Variants in LRP1B observed in about 807,000 individuals in gnomAD.
The protein encoded by LRP1B is low-density lipoprotein receptor-related protein 1B.
A neutral mutation model predicts 556.6 loss-of-function variants in LRP1B; 217 were observed. The ratio of observed to expected loss-of-function variants is 0.39; its 90% CI spans 0.35 to 0.44. The LOEUF is 0.44. Ranked by LOEUF, LRP1B falls within the 20% of genes least tolerant of loss-of-function variation. LRP1B has a pLI of 1.00. For missense variants in LRP1B, 5,053 were observed against 5,620.8 expected (o/e 0.90, Z 3.23); for synonymous variants, 2,047 against 1,865.8 (o/e 1.10, Z -2.50).
At chr2:140,251,070 T>C (rs1681392350) in intron 86 of LRP1B, among the ~76,000 whole-genome samples, 1 of 151,790 alleles carries the variant, frequency 6.6e-6, no homozygotes, top group African/African-American at 2.4e-5. Flanking sequence ...CTGAGCAGTT[T>C]GTGCAGTTAT....
intron 3 of LRP1B, among the ~76,000 whole-genome samples, chr2:141,422,337 A>G (rs909711710): frequency 6.6e-6 from 1 of 152,216 alleles, no homozygotes; most frequent in Non-Finnish European, 1.5e-5. Flanking sequence ...AGATGTAAAG[A>G]ATAAAATAAG....
At chr2:141,176,218 TA>T (rs1680728807) in intron 7 of LRP1B, among the ~76,000 whole-genome samples, 1 of 151,986 alleles carries the variant, frequency 6.6e-6, no homozygotes, top group Non-Finnish European at 1.5e-5. Flanking sequence ...TGGGAAGCAT[TA>T]TTGGTTTTGA....
At chr2:141,808,033 A>G (rs540099018) in intron 2 of LRP1B, among the ~76,000 whole-genome samples, 3 of 152,152 alleles carry the variant, frequency 2.0e-5, no homozygotes, top group Non-Finnish European at 4.4e-5. Flanking sequence ...CTAGTGCCCC[A>G]TTTAGACACA....
intron 1 of LRP1B, among the ~76,000 whole-genome samples, chr2:141,944,095 T>C (rs1361538777): frequency 2.0e-5 from 3 of 152,016 alleles, no homozygotes; most frequent in Non-Finnish European, 2.9e-5. Context: ...CGGGGACCCG[T>C]TTATACTTGG....
intron 43 of LRP1B, among the ~76,000 whole-genome samples, chr2:140,597,075 T>G (rs570608202): frequency 6.6e-6 from 1 of 152,290 alleles, no homozygotes; most frequent in East Asian, 1.9e-4. Flanking sequence ...AACAAAAATA[T>G]TAACTTTTAA....
At position 141,254,629 on chromosome 2, in the gene LRP1B, T is replaced by A. The variant is rs1272766025; in HGVS notation, c.356A>T (p.Asn119Ile). ...ATACTGACAATTCAGCTGTTGGCAA[T>A]TGGATAACAGTTCTGTAGAGAAAAA... Reference protein sequence around the residue: ...EGVHCQELLSNCQQLNCQYKC... With the variant: ...EGVHCQELLSICQQLNCQYKC... The change falls in exon 4 of 91, where the codon AAT becomes ATT. Residue 119 changes from asparagine to isoleucine, a missense_variant. This residue lies in a region of LRP1B where 3,619 missense variants were observed against 3,931.9 expected (regional missense o/e 0.92). Coordinates refer to ENST00000389484, the MANE Select transcript of LRP1B (RefSeq NM_018557.3). 3 of 1,608,808 alleles carry A rather than the reference T, an allele frequency of 1.9e-6. No individual in the cohort carries two copies. Among genetic ancestry groups the A allele is most frequent in the Non-Finnish European group, 1.7e-6 (2 of 1,176,128 alleles).
intron 7 of LRP1B, among the ~76,000 whole-genome samples, chr2:141,103,068 C>T (rs898947457): frequency 2.6e-5 from 4 of 151,640 alleles, no homozygotes; most frequent in Admixed American, 2.6e-4. Context: ...TGAAATATTT[C>T]TTACCTTGGT....
At chr2:141,797,523 C>T (rs1020215618) in intron 2 of LRP1B, among the ~76,000 whole-genome samples, 7 of 151,978 alleles carry the variant, frequency 4.6e-5, no homozygotes, top group African/African-American at 1.7e-4. Flanking sequence ...TTATCAGCCC[C>T]ATTCTTCTTT....
intron 7 of LRP1B, among the ~76,000 whole-genome samples, chr2:141,187,606 G>A (rs534825494): frequency 2.0e-5 from 3 of 152,128 alleles, no homozygotes; most frequent in African/African-American, 7.2e-5. Flanking sequence ...AGTAGTGACT[G>A]CTGAAAGAAC....
intron 6 of LRP1B, among the ~76,000 whole-genome samples, chr2:141,193,109 AG>A (rs1489403813): frequency 6.6e-6 from 1 of 152,024 alleles, no homozygotes; most frequent in Non-Finnish European, 1.5e-5. Flanking sequence ...TGCAGAGAAA[AG>A]GGAACACTTA....
intron 37 of LRP1B, among the ~76,000 whole-genome samples, chr2:140,709,104 A>T (rs1022253395): frequency 1.3e-5 from 2 of 152,096 alleles, no homozygotes; most frequent in African/African-American, 2.4e-5. Flanking sequence ...AAACAGCAAG[A>T]TCCCATGTTA....
intron 43 of LRP1B, among the ~76,000 whole-genome samples, chr2:140,580,918 G>C (rs1574103004): frequency 1.3e-5 from 2 of 152,138 alleles, no homozygotes; most frequent in South Asian, 4.1e-4. Flanking sequence ...ACTTGAAAAT[G>C]AGGAGAGAGA....
intron 3 of LRP1B, among the ~76,000 whole-genome samples, chr2:141,355,816 T>C (rs1021502135): frequency 6.6e-6 from 1 of 152,212 alleles, no homozygotes; most frequent in Non-Finnish European, 1.5e-5. Context: ...AATAATATTA[T>C]TGATCTTGCA....
intron 41 of LRP1B, among the ~76,000 whole-genome samples, chr2:140,617,351 C>T (rs1381313820): frequency 6.6e-6 from 1 of 151,880 alleles, no homozygotes; most frequent in African/African-American, 2.4e-5. Flanking sequence ...AGAAACTCAA[C>T]TGCGTTTTGC....
intron 2 of LRP1B, among the ~76,000 whole-genome samples, chr2:141,667,857 T>C (rs1292403178): frequency 6.6e-6 from 1 of 152,206 alleles, no homozygotes; most frequent in Admixed American, 6.5e-5. Context: ...TGAATATTTA[T>C]AGAAAGAATG....
intron 2 of LRP1B, chr2:141,805,475 A>T (rs1374070054): frequency 3.3e-5 from 5 of 152,152 alleles, no homozygotes; most frequent in Non-Finnish European, 5.9e-5. Context: ...TGTAGACTAC[A>T]CCATATTGCA....
intron 1 of LRP1B, among the ~76,000 whole-genome samples, chr2:141,820,223 A>G (rs1696709012): frequency 6.6e-6 from 1 of 152,188 alleles, no homozygotes. Flanking sequence ...TAACTTAGCC[A>G]AATATGTTAT....
chr2:141,555,078 G>A (rs757088779), intron 2 of LRP1B, among the ~76,000 whole-genome samples: 1 of 152,016 alleles, frequency 6.6e-6, no homozygotes, highest in Non-Finnish European at 1.5e-5. Context: ...TCCACTAGCT[G>A]TGATGCACTC....
At chr2:142,117,299 T>C (rs1193685733) in intron 1 of LRP1B, among the ~76,000 whole-genome samples, 1 of 152,114 alleles carries the variant, frequency 6.6e-6, no homozygotes, top group East Asian at 1.9e-4. Context: ...CCGATTCTGC[T>C]TTACGTTTAG....
Sources: gnomAD v4.1 joint callset for allele counts (sites outside exome capture counted in the v4.1 genomes callset) on GRCh38, gnomAD v4.1.1 for gene constraint, gnomAD v4.1.1 regional missense constraint, MANE v1.5 for transcripts, NCBI Gene and HGNC (gene_info 2026-07-23, HGNC 2026-07-21) for gene names.